The following PIGN variants were observed in gnomAD, a reference collection of about 807,000 sequenced individuals.
The protein encoded by PIGN is phosphatidylinositol glycan anchor biosynthesis class N.
In PIGN, 117 loss-of-function variants were observed where a neutral mutation model predicts 125.4. That is an observed-to-expected ratio of 0.93 (90% CI 0.80 to 1.09). PIGN has a LOEUF of 1.09. Ranked by LOEUF, PIGN falls within the 50% of genes least tolerant of loss-of-function variation. The probability of loss-of-function intolerance (pLI) is 0.00; values close to 1 mark genes in which losing one functional copy is unlikely to be tolerated. For missense variants in PIGN, 1,075 were observed against 1,094.9 expected, an observed-to-expected ratio of 0.98 and a Z score of 0.26; for synonymous variants, 392 against 377.8, an observed-to-expected ratio of 1.04 and a Z score of -0.44.
chr18:62,107,905 T>C (rs1384105915), intron 17 of PIGN, among the ~76,000 whole-genome samples: 1 of 152,196 alleles, frequency 6.6e-6, no homozygotes, highest in Non-Finnish European at 1.5e-5. Flanking sequence ...ATGTCACTAA[T>C]TGTACACTAA....
At chr18:62,125,618 G>T (rs916986402) in intron 14 of PIGN, among the ~76,000 whole-genome samples, 4 of 151,988 alleles carry the variant, frequency 2.6e-5, no homozygotes, top group African/African-American at 9.7e-5. Context: ...CCAAAAGAGT[G>T]ATTATATACG....
intron 1 of PIGN, among the ~76,000 whole-genome samples, chr18:62,165,516 ATGGGGGGACGTAAAGC>A (rs893009431): frequency 7.3e-4 from 111 of 152,332 alleles, no homozygotes; most frequent in African/African-American, 2.6e-3. Flanking sequence ...CTTACAGGAT[ATGGGGGGACGTAAAGC>A]TGAGGGAGAA....
At chr18:62,071,123 A>C (rs2032821072) in intron 30 of PIGN, among the ~76,000 whole-genome samples, 2 of 152,222 alleles carry the variant, frequency 1.3e-5, no homozygotes, top group African/African-American at 2.4e-5. Flanking sequence ...ATTACACTTT[A>C]AATAGTTATC....
At chr18:62,036,511 C>T (rs2030263034), downstream of PIGN, among the ~76,000 whole-genome samples, 1 of 152,082 alleles carries the variant, frequency 6.6e-6, no homozygotes, top group South Asian at 2.1e-4. Flanking sequence ...ACATGTGAAC[C>T]GTGGATTATG....
chr18:62,170,146 A>T (rs986487973), intron 1 of PIGN, among the ~76,000 whole-genome samples: 1 of 152,164 alleles, frequency 6.6e-6, no homozygotes, highest in African/African-American at 2.4e-5. Flanking sequence ...ATCTTTCCAT[A>T]GGCTTACTGA....
chr18:62,051,856 T>C (rs1371749246), intron 30 of PIGN: 3 of 152,164 alleles, frequency 2.0e-5, no homozygotes, highest in Non-Finnish European at 4.4e-5. Context: ...TAAATTTCCC[T>C]CTACACACTG....
chr18:62,102,425 G>A (rs2034481312), intron 21 of PIGN, among the ~76,000 whole-genome samples: 1 of 150,442 alleles, frequency 6.6e-6, no homozygotes, highest in Non-Finnish European at 1.5e-5. Flanking sequence ...TCTTAAACTG[G>A]CTATTCTTAA....
At chr18:62,148,083 T>C (rs1599632866) in intron 8 of PIGN, 131 bp downstream of exon 8, 3 of 636,790 alleles carry the variant, frequency 4.7e-6, no homozygotes, top group Non-Finnish European at 7.5e-6. Context: ...AATTGAGAAC[T>C]TAATAAACAT....
chr18:62,121,446 T>C (rs537172983), intron 14 of PIGN, among the ~76,000 whole-genome samples: 2 of 152,324 alleles, frequency 1.3e-5, no homozygotes, highest in African/African-American at 4.8e-5. Context: ...CAATAAATAT[T>C]GAATATTTTA....
chr18:62,020,656 T>G (rs1319000738), intron 23 of PIGN, among the ~76,000 whole-genome samples: 3 of 151,886 alleles, frequency 2.0e-5, no homozygotes, highest in East Asian at 1.9e-4. Flanking sequence ...ATGGTTAAAA[T>G]TTTTAAAGAC....
chr18:62,178,910 T>G (rs1395129885), intron 1 of PIGN, among the ~76,000 whole-genome samples: 1 of 152,188 alleles, frequency 6.6e-6, no homozygotes, highest in Non-Finnish European at 1.5e-5. Flanking sequence ...ACATCCTTTT[T>G]CTGTTCCAGA....
intron 30 of PIGN, chr18:62,059,049 C>T (rs1030921851): frequency 2.6e-5 from 4 of 151,646 alleles, no homozygotes; most frequent in Non-Finnish European, 4.4e-5. Context: ...AATAATTACC[C>T]GGGTGTCACG....
At chr18:62,165,396 T>G (rs1442261463) in intron 1 of PIGN, among the ~76,000 whole-genome samples, 3 of 152,100 alleles carry the variant, frequency 2.0e-5, no homozygotes, top group Non-Finnish European at 4.4e-5. Context: ...CAAAATAAAC[T>G]AAGACCTGGG....
At chr18:62,082,785 G>T in intron 27 of PIGN, 39 bp from the exon 28 acceptor site, 2 of 1,083,546 alleles carry the variant, frequency 1.8e-6, no homozygotes, top group Non-Finnish European at 2.7e-6. Flanking sequence ...AATAACTGAA[G>T]CATCTGAAAC....
rs1455926626 is a variant in PIGN at position 62,148,324 on chromosome 18, A to G, written c.564T>C (p.His188=). ...AAAACAAAGACTGGTTGTTTCTGGC[A>G]TGATGAAAGAAGTCCTACATATAAC... ...VFDNVKDFFH[H]ARNNQSLFSK... Residue 188 remains histidine, a synonymous_variant, in exon 8 of 31, where the codon CAT becomes CAC. Transcript: ENST00000640252. 6.6e-7 allele frequency: 1 copy of G among 1,517,300 alleles called. No individual in the cohort carries two copies. Among genetic ancestry groups the G allele is most frequent in the Admixed American group, 2.1e-5 (1 of 46,832 alleles). 94.0% of individuals were successfully genotyped at this position (1,517,300 alleles called of 1,614,324 possible). A position where few individuals can be genotyped will look rare whatever the true frequency, so the allele number is the denominator to read the frequency against.
chr18:62,085,176 T>TTA (rs755317812), intron 26 of PIGN, 33 bp downstream of exon 26: 42 of 1,193,994 alleles, frequency 3.5e-5, no homozygotes, highest in Middle Eastern at 2.2e-4. Context: ...TATTTTTTAG[T>TTA]TATATATATA....
intron 8 of PIGN, among the ~76,000 whole-genome samples, chr18:62,147,545 G>T (rs2036379443): frequency 6.6e-6 from 1 of 152,122 alleles, no homozygotes; most frequent in African/African-American, 2.4e-5. Flanking sequence ...ACTGAACAAG[G>T]TTCATTCGAT....
intron 1 of PIGN, among the ~76,000 whole-genome samples, chr18:62,169,492 T>C (rs2037275025): frequency 6.6e-6 from 1 of 152,150 alleles, no homozygotes; most frequent in South Asian, 2.1e-4. Flanking sequence ...TTGAAACTCC[T>C]GGGCTCAAGC....
intron 30 of PIGN, chr18:62,052,928 T>C (rs1431163975): frequency 2.6e-6 from 1 of 388,912 alleles, no homozygotes; most frequent in African/African-American, 2.1e-5. Context: ...CATTTGCTTG[T>C]CTGTATTTTA....
Sources: allele counts gnomAD v4.1 joint callset (sites outside exome capture counted in the v4.1 genomes callset), GRCh38; gene constraint gnomAD v4.1.1; transcripts MANE v1.5; gene names NCBI Gene and HGNC (gene_info 2026-07-23, HGNC 2026-07-21).